Variants in GEN1 observed in about 807,000 individuals in gnomAD.
GEN1 encodes flap endonuclease GEN homolog 1.
In GEN1, 64 loss-of-function variants were observed where a neutral mutation model predicts 67.6. The observed-to-expected ratio is 0.95, with a 90% CI of 0.77 to 1.17. The LOEUF is 1.17. Ranked by LOEUF, GEN1 falls within the 50% of genes most tolerant of loss-of-function variation. The pLI, the probability that GEN1 is intolerant of heterozygous loss-of-function variation, is 0.00. For synonymous variants in GEN1, 371 were observed against 359.4 expected (o/e 1.03, Z -0.37); for missense variants, 1,058 against 1,048.3 (o/e 1.01, Z -0.13).
intron 1 of GEN1, among the ~76,000 whole-genome samples, chr2:17,757,327 A>G (rs920654987): frequency 2.0e-5 from 3 of 150,886 alleles, no homozygotes; most frequent in Non-Finnish European, 4.4e-5. Flanking sequence ...ATCTTAATAT[A>G]CTTGAAATAC....
intron 1 of GEN1, among the ~76,000 whole-genome samples, chr2:17,758,512 T>A (rs1671528207): frequency 6.6e-6 from 1 of 152,238 alleles, no homozygotes; most frequent in Non-Finnish European, 1.5e-5. Flanking sequence ...CTTTTCACAG[T>A]AACTGAATTA....
In GEN1 at chr2:17,784,287, A is replaced by G. The variant is rs192270889; in HGVS notation, c.*2348A>G. ...GCAAATCAAAACCACAAGACACCCA[A>G]TGTCTACAATCAAAAAGATAATAAC... On this transcript the variant is annotated 3_prime_UTR_variant, in exon 14 of 14. Transcript: ENST00000381254. The G allele has an allele frequency of 5.8e-4, 89 of 152,332 alleles. No homozygotes were observed. Among genetic ancestry groups the G allele is most frequent in the African/African-American group, 1.6e-3 (67 of 41,592 alleles). 9.4% of individuals were successfully genotyped at this position (152,332 alleles called of 1,614,324 possible).
intron 7 of GEN1, among the ~76,000 whole-genome samples, chr2:17,772,390 G>C (rs1672232125): frequency 6.6e-6 from 1 of 151,970 alleles, no homozygotes; most frequent in Non-Finnish European, 1.5e-5. Context: ...AACACTTTCA[G>C]ATAGAAGAAT....
Position 17,780,916 on chromosome 2 carries a change from T to G in GEN1, c.1704T>G (p.Ser568Arg), listed in dbSNP as rs1672795442. Residue 568 changes from serine (S) to arginine (R), a missense_variant, in exon 14 of 14, where the codon AGT becomes AGG. By Grantham distance (110) the Ser-to-Arg change is moderately radical (BLOSUM62 -1). Transcript: ENST00000381254. ...AVSKSLISES[S>R]QPNTSSHNIS... is the part of the protein sequence containing the mutation. ...GTAAGTCTCTAATTTCAGAATCTAG[T>G]CAACCCAATACCTCATCTCATAATA... The G allele has an allele frequency of 6.2e-7, 1 of 1,613,930 alleles. No homozygotes were observed. The highest frequency in any genetic ancestry group is 8.5e-7 in the Non-Finnish European group (1 of 1,179,950).
At chr2:17,756,532 T>TA (rs543025793) in intron 1 of GEN1, among the ~76,000 whole-genome samples, 211 of 152,102 alleles carry the variant, frequency 1.4e-3, no homozygotes, top group African/African-American at 4.7e-3. Context: ...TTTACCATAG[T>TA]AAAAAAAACT....
rs773927877 is a variant in GEN1 at position 17,780,896 on chromosome 2, T to C, written c.1684T>C (p.Ser562Pro). 6.2e-7 allele frequency: 1 copy of C among 1,613,894 alleles called. No individual in the cohort carries two copies. Among genetic ancestry groups the C allele is most frequent in the Non-Finnish European group, 8.5e-7 (1 of 1,179,904 alleles). ...AIQQIKAVSK[S>P]LISESSQPNT... is the part of the protein sequence containing the mutation. ...ACAGCAAATTAAAGCTGTCAGTAAG[T>C]CTCTAATTTCAGAATCTAGTCAACC... is the stretch of plus-strand genomic sequence containing the variant. The change falls in exon 14 of 14, where the codon TCT (serine) becomes CCT (proline). Residue 562 changes from serine to proline, a missense_variant. Physicochemically the swap from Ser to Pro is moderately conservative, Grantham distance 74. Coordinates refer to ENST00000381254, the MANE Select transcript of GEN1 (RefSeq NM_001130009.3).
rs1010441261 is a variant in GEN1, at chr2:17,781,560, T to C, written c.2348T>C (p.Met783Thr). 6 of 1,613,944 alleles carry C rather than the reference T, an allele frequency of 3.7e-6. No homozygotes were observed. The highest frequency in any genetic ancestry group is 1.3e-5 in the African/African-American group (1 of 75,064). ...TALDHSRKVD[M>T]QTTRKILMKK... ...TTAGATCATAGTAGAAAAGTTGATA[T>C]GCAAACCACTCGGAAAATTTTAATG... is the stretch of plus-strand genomic sequence containing the variant. Residue 783 changes from methionine to threonine, a missense_variant, in exon 14 of 14, where the codon ATG becomes ACG. Coordinates refer to ENST00000381254, the MANE Select transcript of GEN1 (RefSeq NM_001130009.3).
Position 17,764,967 on chromosome 2 carries a change from C to T in GEN1, c.419C>T (p.Ala140Val), listed in dbSNP as rs1401341700. 5.0e-6 allele frequency: 8 copies of T among 1,614,148 alleles called. No homozygotes were observed. The highest frequency in any genetic ancestry group is 5.1e-6 in the Non-Finnish European group (6 of 1,179,998). Reference sequence around the variant, plus strand: ...GCTGGGGAAGCTGAAGCCATGTGTGCTTATCTCAATGCTGGTGGTCATGTC... The same window carrying T: ...GCTGGGGAAGCTGAAGCCATGTGTGTTTATCTCAATGCTGGTGGTCATGTC... ...QAAGEAEAMC[A>V]YLNAGGHVDG... The change falls in exon 4 of 14, where the codon GCT becomes GTT. Residue 140 changes from alanine (A) to valine (V), a missense_variant. Physicochemically the swap from Ala to Val is moderately conservative, Grantham distance 64. Coordinates refer to ENST00000381254, the MANE Select transcript of GEN1 (RefSeq NM_001130009.3).
chr2:17,780,854 C>T lies in GEN1; in HGVS notation c.1642C>T (p.Leu548=). The change falls in exon 14 of 14, where the codon CTA becomes TTA. Residue 548 remains leucine, a synonymous_variant. Transcript: ENST00000381254. ...TGCACAAGAACAGTTCATGTCTTCT[C>T]TAAGACCTTTGGCTATACAGCAAAT... ...LNAQEQFMSS[L]RPLAIQQIKA... 1.2e-6 allele frequency: 2 copies of T among 1,613,946 alleles called. No homozygotes were observed. The highest frequency in any genetic ancestry group is 1.7e-6 in the Non-Finnish European group (2 of 1,179,910).
chr2:17,786,727 A>G lies in GEN1; in HGVS notation c.*4788A>G, dbSNP rs755110183. ...CCTAATCTTTTTATCTCCTGACATT[A>G]TAAATGTTGAGTTCAGGGTTTTTTT... On this transcript the variant is annotated 3_prime_UTR_variant, in exon 14 of 14. Coordinates refer to ENST00000381254, the MANE Select transcript of GEN1 (RefSeq NM_001130009.3). 7 of 152,182 alleles carry G rather than the reference A, an allele frequency of 4.6e-5. No homozygotes were observed. The highest frequency in any genetic ancestry group is 7.2e-5 in the African/African-American group (3 of 41,436). 9.4% of individuals were successfully genotyped at this position (152,182 alleles called of 1,614,324 possible). A position where few individuals can be genotyped will look rare whatever the true frequency, so the allele number is the denominator to read the frequency against.
chr2:17,764,221 C>T (rs1167155433), intron 3 of GEN1, among the ~76,000 whole-genome samples: 2 of 152,096 alleles, frequency 1.3e-5, no homozygotes, highest in East Asian at 1.9e-4. Flanking sequence ...TCCCACAATA[C>T]GAGAGTTTCA....
At position 17,766,646 on chromosome 2, in the gene GEN1, T is replaced by C; in HGVS notation, c.593T>C (p.Leu198Pro). The change falls in exon 5 of 14, where the codon CTG becomes CCG. Residue 198 changes from leucine to proline, a missense_variant. Physicochemically the swap from Leu to Pro is moderately conservative, Grantham distance 98. Transcript: ENST00000381254. ...AAACTAGGTTTGGATAGAGATGCTCTGGTTGGATTAGCAATACTTCTTGGC... is the reference window on the plus strand; with the variant it reads ...AAACTAGGTTTGGATAGAGATGCTCCGGTTGGATTAGCAATACTTCTTGGC... The part of the protein sequence containing the change: ...KSKLGLDRDA[L>P]VGLAILLGCD... 6.2e-7 allele frequency: 1 copy of C among 1,609,344 alleles called. No individual in the cohort carries two copies. The highest frequency in any genetic ancestry group is 8.5e-7 in the Non-Finnish European group (1 of 1,175,880).
At chr2:17,772,807 G>A (rs760414260) in intron 8 of GEN1, 23 bp downstream of exon 8, 8 of 1,580,550 alleles carry the variant, frequency 5.1e-6, no homozygotes, top group Admixed American at 3.5e-5. Flanking sequence ...AAAAACTCAT[G>A]ATTTTTCCTG....
rs1484862239 is a variant in GEN1 at position 17,786,138 on chromosome 2, T to A, written c.*4199T>A. The A allele has an allele frequency of 1.3e-5, 2 of 152,196 alleles. No homozygotes were observed. Among genetic ancestry groups the A allele is most frequent in the Non-Finnish European group, 2.9e-5 (2 of 68,038 alleles). 9.4% of individuals were successfully genotyped at this position (152,196 alleles called of 1,614,324 possible). ...GTGCTGGGCCCTGGAGATACAGTGA[T>A]CAATGGCATCCTATAAGGTTTTGAT... On this transcript the variant is annotated 3_prime_UTR_variant, in exon 14 of 14. Coordinates refer to ENST00000381254, the MANE Select transcript of GEN1 (RefSeq NM_001130009.3).
At chr2:17,753,792 G>C (rs1366067342), upstream of GEN1, 2 of 152,214 alleles carry the variant, frequency 1.3e-5, no homozygotes, top group African/African-American at 4.8e-5. Context: ...GAGCCCCGGC[G>C]CCCACCGCGG....
At chr2:17,770,990 T>C in intron 6 of GEN1, 1 of 627,930 alleles carries the variant, frequency 1.6e-6, no homozygotes, top group Non-Finnish European at 3.0e-6. Flanking sequence ...CTCTCCTGTC[T>C]TGCAGTTCTG....
chr2:17,767,006 C>T (rs1185278713), intron 5 of GEN1, among the ~76,000 whole-genome samples: 1 of 152,096 alleles, frequency 6.6e-6, no homozygotes, highest in Non-Finnish European at 1.5e-5. Flanking sequence ...AGGAGTTATT[C>T]TTTTCTTGTA....
chr2:17,774,445 G>T lies in GEN1; in HGVS notation c.1202+44G>T, dbSNP rs1295748753. On this transcript the variant is annotated intron_variant, in intron 11 of 13. Coordinates refer to ENST00000381254, the MANE Select transcript of GEN1 (RefSeq NM_001130009.3). ...TGGTGAAGGTGGTGTTTTTACTTGA[G>T]TATTTTATAATTAAAATATTCCTAA... 8 of 1,479,132 alleles carry T rather than the reference G, an allele frequency of 5.4e-6. No homozygotes were observed. The African/African-American group carries it at 1.0e-4, about 18-fold the overall frequency. 91.6% of individuals were successfully genotyped at this position (1,479,132 alleles called of 1,614,324 possible).
At chr2:17,757,045 T>C (rs1385844236) in intron 1 of GEN1, among the ~76,000 whole-genome samples, 1 of 152,374 alleles carries the variant, frequency 6.6e-6, no homozygotes, top group Non-Finnish European at 1.5e-5. Context: ...TAATAAAATG[T>C]ACATTTCACA....
Sources: allele counts gnomAD v4.1 joint callset (sites outside exome capture counted in the v4.1 genomes callset), GRCh38; gene constraint gnomAD v4.1.1; transcripts MANE v1.5; gene names NCBI Gene and HGNC (gene_info 2026-07-23, HGNC 2026-07-21).